The following SOS2 variants were observed in gnomAD, a reference collection of about 807,000 sequenced individuals.
SOS2 encodes SOS Ras/Rho guanine nucleotide exchange factor 2.
SOS2 carries 65 observed loss-of-function variants against 148.2 expected under a neutral mutation model. The ratio of observed to expected loss-of-function variants is 0.44; its 90% CI spans 0.36 to 0.54. The LOEUF is 0.54. Ranked by LOEUF, SOS2 falls within the 20% of genes least tolerant of loss-of-function variation. SOS2 has a pLI of 0.00. For synonymous variants in SOS2, 539 were observed against 537.1 expected (o/e 1.00, Z -0.05); for missense variants, 1,341 against 1,590.2 (o/e 0.84, Z 2.67).
At chr14:50,204,193 T>G in intron 2 of SOS2, 91 bp downstream of exon 2, 1 of 727,900 alleles carries the variant, frequency 1.4e-6, no homozygotes, top group Non-Finnish European at 2.1e-6. Context: ...TCAGTGGTTT[T>G]AGTTTTCACA....
intron 18 of SOS2, among the ~76,000 whole-genome samples, chr14:50,134,983 G>T (rs1387113693): frequency 7.0e-6 from 1 of 142,736 alleles, no homozygotes; most frequent in Non-Finnish European, 1.5e-5. Context: ...TGAGACAGGA[G>T]AATCAATTGA....
intron 1 of SOS2, among the ~76,000 whole-genome samples, chr14:50,207,329 A>G (rs1886692882): frequency 6.6e-6 from 1 of 151,726 alleles, no homozygotes; most frequent in African/African-American, 2.4e-5. Flanking sequence ...CCTGGGCAAC[A>G]TGGCAAGACC....
At chr14:50,161,060 G>A (rs539767224) in intron 9 of SOS2, among the ~76,000 whole-genome samples, 1 of 150,972 alleles carries the variant, frequency 6.6e-6, no homozygotes, top group South Asian at 2.1e-4. Flanking sequence ...CCTGTAATCC[G>A]AGCACTTTGG....
chr14:50,204,267 G>A lies in SOS2; in HGVS notation c.213+17C>T. The A allele has an allele frequency of 2.6e-6, 4 of 1,538,146 alleles. No individual in the cohort carries two copies. Among genetic ancestry groups the A allele is most frequent in the East Asian group, 4.6e-5 (2 of 43,604 alleles). On this transcript the variant is annotated intron_variant, in intron 2 of 22. Transcript: ENST00000216373. Reference sequence around the variant, plus strand: ...CAGTGGTTGAGTGACTTTTTGAAATGACAAAATAATTTTTACCTCTACATC... The same window carrying A: ...CAGTGGTTGAGTGACTTTTTGAAATAACAAAATAATTTTTACCTCTACATC...
At chr14:50,166,078 C>T (rs1237979169) in intron 8 of SOS2, among the ~76,000 whole-genome samples, 2 of 151,996 alleles carry the variant, frequency 1.3e-5, no homozygotes, top group East Asian at 1.9e-4. Context: ...GGGATTCTTT[C>T]TATGTTGAAA....
At chr14:50,226,404 C>A (rs1887378193) in intron 1 of SOS2, among the ~76,000 whole-genome samples, 1 of 152,190 alleles carries the variant, frequency 6.6e-6, no homozygotes, top group Admixed American at 6.5e-5. Flanking sequence ...CAGGAAAGAT[C>A]CAGTGCCATC....
chr14:50,165,099 T>A (rs758759484), intron 8 of SOS2, among the ~76,000 whole-genome samples: 1 of 152,184 alleles, frequency 6.6e-6, no homozygotes, highest in Non-Finnish European at 1.5e-5. Flanking sequence ...TCAAATAGTA[T>A]CATTCTCCTT....
At chr14:50,158,342 T>C (rs538441321) in intron 11 of SOS2, among the ~76,000 whole-genome samples, 37 of 152,296 alleles carry the variant, frequency 2.4e-4, no homozygotes, top group African/African-American at 7.9e-4. Flanking sequence ...AATTAGTCTT[T>C]CTGATTACCA....
At chr14:50,231,791 A>G (rs930869746), upstream of SOS2, among the ~76,000 whole-genome samples, 5 of 151,824 alleles carry the variant, frequency 3.3e-5, no homozygotes, top group Non-Finnish European at 7.4e-5. Flanking sequence ...AGCTCTGGGG[A>G]CCGACCCGGA....
chr14:50,192,946 C>T (rs1263589542), intron 4 of SOS2, among the ~76,000 whole-genome samples: 1 of 152,090 alleles, frequency 6.6e-6, no homozygotes, highest in Non-Finnish European at 1.5e-5. Context: ...ATATCTAGAT[C>T]TGGTGAACTA....
chr14:50,187,356 T>C (rs955499292), intron 5 of SOS2, among the ~76,000 whole-genome samples: 1 of 145,680 alleles, frequency 6.9e-6, no homozygotes, highest in African/African-American at 2.5e-5. Flanking sequence ...TTTTTTTTTT[T>C]TTTTTTTTTG....
intron 21 of SOS2, among the ~76,000 whole-genome samples, chr14:50,125,890 T>C (rs749494208): frequency 2.0e-5 from 3 of 152,112 alleles, no homozygotes; most frequent in African/African-American, 4.8e-5. Flanking sequence ...AACACAGATA[T>C]CCATACTACA....
At chr14:50,144,498 T>C (rs767181444) in intron 16 of SOS2, among the ~76,000 whole-genome samples, 34 of 152,250 alleles carry the variant, frequency 2.2e-4, no homozygotes, top group Non-Finnish European at 3.8e-4. Context: ...AGTGCAGTGG[T>C]GTGATCTCAG....
intron 1 of SOS2, among the ~76,000 whole-genome samples, chr14:50,211,982 G>A (rs1886886765): frequency 1.3e-5 from 2 of 152,238 alleles, no homozygotes; most frequent in Non-Finnish European, 1.5e-5. Flanking sequence ...AAAAAATGCA[G>A]TAATAATGAC....
intron 14 of SOS2, among the ~76,000 whole-genome samples, chr14:50,147,382 C>T (rs540013711): frequency 9.9e-5 from 15 of 151,636 alleles, no homozygotes; most frequent in African/African-American, 3.1e-4. Context: ...TATGGTGGTG[C>T]GTGCCTGTAG....
At chr14:50,194,740 T>G (rs1248270134) in intron 4 of SOS2, among the ~76,000 whole-genome samples, 2 of 149,838 alleles carry the variant, frequency 1.3e-5, no homozygotes, top group East Asian at 4.1e-4. Context: ...ATCACGCCAC[T>G]GCGCTCCATA....
intron 13 of SOS2, among the ~76,000 whole-genome samples, chr14:50,151,090 C>T (rs759089965): frequency 6.6e-6 from 1 of 152,044 alleles, no homozygotes; most frequent in African/African-American, 2.4e-5. Context: ...AACTCCTGGG[C>T]TCAAGTGATC....
intron 1 of SOS2, among the ~76,000 whole-genome samples, chr14:50,212,494 A>G (rs1886907711): frequency 6.6e-6 from 1 of 152,256 alleles, no homozygotes; most frequent in Non-Finnish European, 1.5e-5. Context: ...AAATCAAAAC[A>G]GTGAATACCA....
intron 1 of SOS2, among the ~76,000 whole-genome samples, chr14:50,222,590 G>A (rs1887232460): frequency 6.6e-6 from 1 of 152,208 alleles, no homozygotes; most frequent in Admixed American, 6.5e-5. Context: ...GGAGGTAAAA[G>A]GGCCAGCCAC....
Sources: gnomAD v4.1 joint callset for allele counts (sites outside exome capture counted in the v4.1 genomes callset) on GRCh38, gnomAD v4.1.1 for gene constraint, MANE v1.5 for transcripts, NCBI Gene and HGNC (gene_info 2026-07-23, HGNC 2026-07-21) for gene names.